CDH8: variants seen among roughly 807,000 people sequenced by gnomAD.
CDH8 encodes cadherin-8.
CDH8 carries 17 observed loss-of-function variants against 68.1 expected under a neutral mutation model. The ratio of observed to expected loss-of-function variants is 0.25; its 90% CI spans 0.17 to 0.37. CDH8 has a LOEUF of 0.37. Among genes scored for constraint, CDH8 ranks in the 10% least tolerant of loss-of-function variants. The probability of loss-of-function intolerance (pLI) is 1.00; values close to 1 mark genes in which losing one functional copy is unlikely to be tolerated. For missense variants in CDH8, 763 were observed against 999.3 expected (o/e 0.76, Z 3.19); for synonymous variants, 372 against 365.1 (o/e 1.02, Z -0.21).
At chr16:62,009,768 C>A (rs1462595746) in intron 2 of CDH8, among the ~76,000 whole-genome samples, 4 of 152,104 alleles carry the variant, frequency 2.6e-5, no homozygotes, top group African/African-American at 9.7e-5. Context: ...TTACTTCCAT[C>A]CAAAAGTCTT....
chr16:62,004,329 T>C (rs1965939042), intron 2 of CDH8, among the ~76,000 whole-genome samples: 1 of 152,168 alleles, frequency 6.6e-6, no homozygotes, highest in South Asian at 2.1e-4. Flanking sequence ...TGGGGGCTAT[T>C]GTGGCAGGAA....
chr16:61,691,479 G>T (rs1448301548), intron 10 of CDH8, among the ~76,000 whole-genome samples: 1 of 150,402 alleles, frequency 6.6e-6, no homozygotes, highest in African/African-American at 2.5e-5. Context: ...ATTCTTCATT[G>T]TGCCTCTGTC....
At chr16:61,726,912 T>C in intron 9 of CDH8, 182 bp downstream of exon 9, 2 of 627,176 alleles carry the variant, frequency 3.2e-6, no homozygotes, top group Non-Finnish European at 5.4e-6. Flanking sequence ...TGGTCATAAG[T>C]AGGAAGAGAA....
chr16:61,658,000 A>G (rs1168159820), intron 10 of CDH8, among the ~76,000 whole-genome samples: 2 of 152,044 alleles, frequency 1.3e-5, no homozygotes, highest in Non-Finnish European at 2.9e-5. Flanking sequence ...TGACTGAGTA[A>G]AGAAAATCTA....
At chr16:61,937,729 A>AC (rs1597077358) in intron 2 of CDH8, among the ~76,000 whole-genome samples, 1 of 152,166 alleles carries the variant, frequency 6.6e-6, no homozygotes, top group African/African-American at 2.4e-5. Flanking sequence ...AAGTCATCAA[A>AC]CCTGAGGTAT....
chr16:61,768,439 T>TCTTTCC (rs1960692172), intron 8 of CDH8, among the ~76,000 whole-genome samples: 1 of 142,938 alleles, frequency 7.0e-6, no homozygotes, highest in African/African-American at 2.7e-5. Context: ...CCTCTCCCTC[T>TCTTTCC]CTCTCTCGCA....
chr16:61,919,673 C>G (rs560981108), intron 2 of CDH8, among the ~76,000 whole-genome samples: 1 of 133,934 alleles, frequency 7.5e-6, no homozygotes, highest in African/African-American at 2.9e-5. Flanking sequence ...TGTGAAAAGA[C>G]CAAATCTACA....
chr16:62,029,893 A>G (rs1024904390), intron 1 of CDH8, among the ~76,000 whole-genome samples: 2 of 152,344 alleles, frequency 1.3e-5, no homozygotes, highest in African/African-American at 4.8e-5. Context: ...TTGATGACAG[A>G]AATTAGATTT....
intron 7 of CDH8, among the ~76,000 whole-genome samples, chr16:61,799,913 C>G (rs146691938): frequency 8.6e-5 from 13 of 152,038 alleles, no homozygotes; most frequent in Non-Finnish European, 1.9e-4. Context: ...TTTTCCCCCC[C>G]CCAAAGACAA....
At chr16:61,845,022 G>T (rs1448999839) in intron 4 of CDH8, among the ~76,000 whole-genome samples, 1 of 152,104 alleles carries the variant, frequency 6.6e-6, no homozygotes, top group Non-Finnish European at 1.5e-5. Context: ...AGAACTGTAT[G>T]GGGCCACTTC....
intron 2 of CDH8, among the ~76,000 whole-genome samples, chr16:61,950,071 G>A (rs1352458679): frequency 6.6e-6 from 1 of 151,854 alleles, no homozygotes; most frequent in Non-Finnish European, 1.5e-5. Flanking sequence ...AGCATATATA[G>A]CCTGAATAAT....
At chr16:61,773,724 G>A (rs1960838474) in intron 8 of CDH8, among the ~76,000 whole-genome samples, 1 of 152,028 alleles carries the variant, frequency 6.6e-6, no homozygotes, top group African/African-American at 2.4e-5. Context: ...TTTTTTCTTA[G>A]CTAATTTGAA....
chr16:61,813,676 G>GA (rs1555512331), intron 7 of CDH8, among the ~76,000 whole-genome samples: 1 of 150,686 alleles, frequency 6.6e-6, no homozygotes, highest in Non-Finnish European at 1.5e-5. Flanking sequence ...TTGCTTTGCT[G>GA]TTTTTTTTTC....
At chr16:61,822,919 T>A (rs930848700) in intron 5 of CDH8, among the ~76,000 whole-genome samples, 3 of 151,960 alleles carry the variant, frequency 2.0e-5, no homozygotes, top group Middle Eastern at 3.2e-3. Flanking sequence ...ATCAGTGTGA[T>A]CACAGTTAAT....
chr16:62,021,407 C>A lies in CDH8; in HGVS notation c.-4G>T. 2 of 1,594,662 alleles carry A rather than the reference C, an allele frequency of 1.3e-6. No individual in the cohort carries two copies. The highest frequency in any genetic ancestry group is 1.7e-4 in the Middle Eastern group (1 of 5,930). The stretch of plus-strand genomic sequence containing the variant: ...TTTCCGCTAGCCGTTCTGGCATGGT[C>A]CCACCAGTTAAGCAAATCACCACGA... On this transcript the variant is annotated 5_prime_UTR_variant, in exon 2 of 12. Coordinates refer to ENST00000577390, the MANE Select transcript of CDH8 (RefSeq NM_001796.5).
intron 10 of CDH8, among the ~76,000 whole-genome samples, chr16:61,695,225 C>A (rs955473243): frequency 6.6e-6 from 1 of 152,120 alleles, no homozygotes; most frequent in East Asian, 1.9e-4. Flanking sequence ...GTTTCTCCTA[C>A]TTTCTTCTCC....
intron 2 of CDH8, among the ~76,000 whole-genome samples, chr16:62,018,774 C>T (rs1902002932): frequency 6.6e-6 from 1 of 152,176 alleles, no homozygotes; most frequent in Admixed American, 6.5e-5. Flanking sequence ...ATCACTAAGA[C>T]TCAAAAGCAT....
At chr16:61,764,815 G>T (rs2142976625) in intron 8 of CDH8, among the ~76,000 whole-genome samples, 1 of 152,168 alleles carries the variant, frequency 6.6e-6, no homozygotes, top group Non-Finnish European at 1.5e-5. Flanking sequence ...TCCATGTGAT[G>T]TTGGAGAATT....
chr16:61,656,053 T>C (rs1963441683), intron 10 of CDH8, among the ~76,000 whole-genome samples: 1 of 152,170 alleles, frequency 6.6e-6, no homozygotes, highest in East Asian at 1.9e-4. Flanking sequence ...TTTGTATTTT[T>C]AGTAGAGACG....
Sources: gnomAD v4.1 joint callset for allele counts (sites outside exome capture counted in the v4.1 genomes callset) on GRCh38, gnomAD v4.1.1 for gene constraint, MANE v1.5 for transcripts, NCBI Gene and HGNC (gene_info 2026-07-23, HGNC 2026-07-21) for gene names.